The following ZNF18 variants were observed in gnomAD, a reference collection of about 807,000 sequenced individuals.
ZNF18 encodes heart development-specific gene 1 protein.
In ZNF18, 42 loss-of-function variants were observed where a neutral mutation model predicts 58.1. That is an observed-to-expected ratio of 0.72 (90% CI 0.56 to 0.93). ZNF18 has a LOEUF of 0.93. ZNF18 is among the 40% of genes least tolerant of loss of function. The pLI, the probability that ZNF18 is intolerant of heterozygous loss-of-function variation, is 0.00. For missense variants in ZNF18, 540 were observed against 644.2 expected (o/e 0.84, Z 1.75); for synonymous variants, 231 against 239.8 (o/e 0.96, Z 0.34).
At chr17:11,981,189 G>C (rs1292531793) in intron 6 of ZNF18, among the ~76,000 whole-genome samples, 1 of 151,956 alleles carries the variant, frequency 6.6e-6, no homozygotes, top group Non-Finnish European at 1.5e-5. Context: ...ATTATTCTAG[G>C]TCTCCTCCCC....
the ZNF18 span, among the ~76,000 whole-genome samples, chr17:12,015,369 A>G: frequency 1.3e-5 from 2 of 152,288 alleles, no homozygotes; most frequent in Admixed American, 1.3e-4. Context: ...ATACATTTCA[A>G]TAAGTCATTA....
chr17:11,988,806 A>C (rs1263879926), intron 4 of ZNF18, among the ~76,000 whole-genome samples: 1 of 150,414 alleles, frequency 6.6e-6, no homozygotes, highest in Non-Finnish European at 1.5e-5. Flanking sequence ...CACCAATGTG[A>C]TACCCAATCA....
chr17:11,985,927 C>T (rs982380807), intron 4 of ZNF18, among the ~76,000 whole-genome samples: 7 of 152,322 alleles, frequency 4.6e-5, no homozygotes, highest in Non-Finnish European at 1.0e-4. Context: ...ACTACAAAGT[C>T]ATCCTCCTAC....
the ZNF18 span, among the ~76,000 whole-genome samples, chr17:12,013,889 A>C: frequency 6.6e-6 from 1 of 152,262 alleles, no homozygotes; most frequent in Admixed American, 6.5e-5. Flanking sequence ...GTATGGAACA[A>C]TTTGGAAAAG....
upstream of ZNF18, chr17:11,997,610 A>G (rs947995657): frequency 2.0e-5 from 3 of 152,270 alleles, no homozygotes; most frequent in Non-Finnish European, 4.4e-5. Flanking sequence ...GCAGCCCAGG[A>G]GCCTCCACCG....
intron 6 of ZNF18, among the ~76,000 whole-genome samples, chr17:11,981,334 T>C (rs1291901388): frequency 6.6e-6 from 1 of 150,732 alleles, no homozygotes; most frequent in African/African-American, 2.5e-5. Flanking sequence ...TTTTTTTTTT[T>C]TTGAGACAGA....
At chr17:12,015,262 G>C in the ZNF18 span, among the ~76,000 whole-genome samples, 1 of 152,186 alleles carries the variant, frequency 6.6e-6, no homozygotes, top group Non-Finnish European at 1.5e-5. Flanking sequence ...GTTAGCCAGA[G>C]ATGCTTGTTG....
the ZNF18 span, among the ~76,000 whole-genome samples, chr17:12,020,054 C>T: frequency 6.6e-6 from 1 of 152,060 alleles, no homozygotes. Context: ...TGGAAGAAAC[C>T]TCATATTGTT....
In ZNF18 at chr17:11,978,033, C is replaced by A; in HGVS notation, c.1574G>T (p.Cys525Phe). ...TGEKPYKCSH[C>F]GKSFSWSSSL... ...CGAGCTCCAGCTGAAACTTTTCCCACAGTGCGAACATTTATAAGGTTTCTC... is the reference window on the plus strand; with the variant it reads ...CGAGCTCCAGCTGAAACTTTTCCCAAAGTGCGAACATTTATAAGGTTTCTC... Residue 525 changes from cysteine (C) to phenylalanine (F), a missense_variant, in exon 7 of 7, where the codon TGT becomes TTT. Transcript: ENST00000580306. The A allele has an allele frequency of 6.2e-7, 1 of 1,609,172 alleles. No homozygotes were observed. Among genetic ancestry groups the A allele is most frequent in the South Asian group, 1.1e-5 (1 of 90,588 alleles).
chr17:12,019,075 C>T, the ZNF18 span, among the ~76,000 whole-genome samples: 1 of 152,010 alleles, frequency 6.6e-6, no homozygotes, highest in African/African-American at 2.4e-5. Flanking sequence ...CTGCCTCAGC[C>T]TCCCTAGTAG....
chr17:11,992,845 G>T lies in ZNF18; in HGVS notation c.-16C>A. On this transcript the variant is annotated 5_prime_UTR_variant, in exon 2 of 7. Coordinates refer to ENST00000580306, the MANE Select transcript of ZNF18 (RefSeq NM_001303281.2). Reference sequence around the variant, plus strand: ...CAACGGGCATTGTCCAGCCTGGCAAGTCCTTTTAAGTAAAGTGCTTCTGCA... The same window carrying T: ...CAACGGGCATTGTCCAGCCTGGCAATTCCTTTTAAGTAAAGTGCTTCTGCA... 6.2e-7 allele frequency: 1 copy of T among 1,600,896 alleles called. No homozygotes were observed. Among genetic ancestry groups the T allele is most frequent in the Non-Finnish European group, 8.5e-7 (1 of 1,174,932 alleles).
the ZNF18 span, among the ~76,000 whole-genome samples, chr17:12,005,770 T>C: frequency 6.6e-6 from 1 of 152,196 alleles, no homozygotes; most frequent in African/African-American, 2.4e-5. Context: ...ATATTATTTT[T>C]CCATTTTTAC....
chr17:12,011,524 T>G, the ZNF18 span, among the ~76,000 whole-genome samples: 1 of 151,728 alleles, frequency 6.6e-6, no homozygotes, highest in South Asian at 2.1e-4. Context: ...TAGTTGGGGC[T>G]ACAGGCACCC....
intron 6 of ZNF18, 74 bp from the exon 7 acceptor site, chr17:11,978,818 G>A (rs1029554319): frequency 7.6e-6 from 4 of 527,998 alleles, no homozygotes; most frequent in South Asian, 8.7e-5. Context: ...CAAAGAGAGG[G>A]TCATCATAAA....
At chr17:12,021,055 C>T in the ZNF18 span, 1 of 1,088,688 alleles carries the variant, frequency 9.2e-7, no homozygotes, top group Non-Finnish European at 1.2e-6. Context: ...CAACCCGCGT[C>T]GTCGCGGCCT....
chr17:11,998,800 G>A (rs1204881956), upstream of ZNF18, among the ~76,000 whole-genome samples: 1 of 149,848 alleles, frequency 6.7e-6, no homozygotes, highest in East Asian at 2.0e-4. Context: ...GTTTCAGCCT[G>A]ACATAGGTGG....
At chr17:12,014,776 C>T in the ZNF18 span, among the ~76,000 whole-genome samples, 3 of 152,250 alleles carry the variant, frequency 2.0e-5, no homozygotes, top group Admixed American at 6.5e-5. Context: ...ATTGGCCGGG[C>T]GCGGTGGCTT....
In ZNF18 at chr17:11,977,770, G is replaced by A; in HGVS notation, c.*187C>T. The A allele has an allele frequency of 1.7e-6, 1 of 591,440 alleles. No individual in the cohort carries two copies. Among genetic ancestry groups the A allele is most frequent in the Non-Finnish European group, 2.8e-6 (1 of 361,296 alleles). 36.6% of individuals were successfully genotyped at this position (591,440 alleles called of 1,614,324 possible). A position where few individuals can be genotyped will look rare whatever the true frequency, so the allele number is the denominator to read the frequency against. ...TCCTGAGGCAGAATCAAGAATTTAA[G>A]CCATTGTGCAATCCAATCCAAGATA... is the stretch of plus-strand genomic sequence containing the variant. On this transcript the variant is annotated 3_prime_UTR_variant, in exon 7 of 7. Coordinates refer to ENST00000580306, the MANE Select transcript of ZNF18 (RefSeq NM_001303281.2).
chr17:11,994,818 GC>G (rs1968359993), intron 1 of ZNF18, among the ~76,000 whole-genome samples: 1 of 152,096 alleles, frequency 6.6e-6, no homozygotes, highest in Admixed American at 6.5e-5. Flanking sequence ...TCCAACCTGG[GC>G]GACAGAGCGA....
Sources: gnomAD v4.1 joint callset for allele counts (sites outside exome capture counted in the v4.1 genomes callset) on GRCh38, gnomAD v4.1.1 for gene constraint, MANE v1.5 for transcripts, NCBI Gene and HGNC (gene_info 2026-07-23, HGNC 2026-07-21) for gene names.